MIB1: variants seen among roughly 807,000 people sequenced by gnomAD.
The protein encoded by MIB1 is E3 ubiquitin-protein ligase MIB1.
In MIB1, 278 loss-of-function variants were observed where a neutral mutation model predicts 124.5. The observed-to-expected ratio is 2.23, with a 90% confidence interval of 2.02 to 2.47. MIB1 has a LOEUF of 2.47. Ranked by LOEUF, MIB1 falls within the 30% of genes most tolerant of loss-of-function variation. The pLI is 0.00. For synonymous variants in MIB1, 446 were observed against 429.4 expected, an observed-to-expected ratio of 1.04 and a Z score of -0.48; for missense variants, 957 against 1,254.4, an observed-to-expected ratio of 0.76 and a Z score of 3.58.
rs1555692380 is a variant in MIB1, at chr18:21,798,148, G to T, written c.1157G>T (p.Cys386Phe). ...GACAGTGATTTAAAGGTGGAAGTTT[G>T]TGGAACATCTTGGACATACAATCCA... ...YSDSDLKVEV[C>F]GTSWTYNPAA... Residue 386 changes from cysteine (C) to phenylalanine (F), a missense_variant, in exon 8 of 21, where the codon TGT becomes TTT. Physicochemically the swap from Cys to Phe is radical, Grantham distance 205. Coordinates refer to ENST00000261537, the MANE Select transcript of MIB1 (RefSeq NM_020774.4). 6.2e-7 allele frequency: 1 copy of T among 1,613,372 alleles called. No individual in the cohort carries two copies. The highest frequency in any genetic ancestry group is 8.5e-7 in the Non-Finnish European group (1 of 1,179,466).
Position 21,765,908 on chromosome 18 carries a change from T to C in MIB1, c.366T>C (p.His122=). The change falls in exon 2 of 21, where the codon CAT becomes CAC. Residue 122 remains histidine, a synonymous_variant. Transcript: ENST00000261537. ...ATGGAGATAAACATCATTTAAGACA[T>C]CGCTTTTACCGAATTACTACACCGG... The part of the protein sequence containing the change: ...CYHGDKHHLR[H]RFYRITTPGS... 6.2e-7 allele frequency: 1 copy of C among 1,614,104 alleles called. No individual in the cohort carries two copies. The highest frequency in any genetic ancestry group is 8.5e-7 in the Non-Finnish European group (1 of 1,179,988).
chr18:21,784,324 G>A lies in MIB1; in HGVS notation c.908+4639G>A, dbSNP rs535564349. 3.9e-5 allele frequency among the ~76,000 whole-genome samples: 6 copies of A among 152,198 alleles called. No individual in the cohort carries two copies. The East Asian group carries it at 1.2e-3, about 29-fold the overall frequency. ...GGCCTCCCAAAGTGCTGGGATTACA[G>A]GTGTGAGCCACCGCGCCCAGCCCTG... On this transcript the variant is annotated intron_variant, in intron 6 of 20. Coordinates refer to ENST00000261537, the MANE Select transcript of MIB1 (RefSeq NM_020774.4).
intron 20 of MIB1, among the ~76,000 whole-genome samples, chr18:21,860,436 C>A (rs2042267212): frequency 6.6e-6 from 1 of 151,946 alleles, no homozygotes; most frequent in Non-Finnish European, 1.5e-5. Context: ...CAAATATGCT[C>A]TTTTATTTCT....
chr18:21,809,904 G>T (rs1489849173), intron 10 of MIB1, among the ~76,000 whole-genome samples: 1 of 151,974 alleles, frequency 6.6e-6, no homozygotes, highest in Non-Finnish European at 1.5e-5. Flanking sequence ...GAGCAATTAG[G>T]CAAGAAAAAG....
chr18:21,845,626 C>T (rs1208925561), intron 15 of MIB1, among the ~76,000 whole-genome samples: 1 of 151,836 alleles, frequency 6.6e-6, no homozygotes, highest in Non-Finnish European at 1.5e-5. Context: ...TGTTTCTTTT[C>T]TTTTTTCTTT....
intron 1 of MIB1, among the ~76,000 whole-genome samples, chr18:21,754,890 T>C (rs1439228344): frequency 6.6e-6 from 1 of 152,158 alleles, no homozygotes; most frequent in African/African-American, 2.4e-5. Context: ...TATCTGCACT[T>C]TAAGGCATCC....
intron 12 of MIB1, chr18:21,828,633 G>C (rs2041948922): frequency 6.2e-6 from 1 of 160,554 alleles, no homozygotes; most frequent in Non-Finnish European, 1.4e-5. Context: ...TTAAATTGTG[G>C]AGACAGAAAA....
At chr18:21,817,356 C>T (rs1425039666) in intron 11 of MIB1, among the ~76,000 whole-genome samples, 1 of 151,822 alleles carries the variant, frequency 6.6e-6, no homozygotes, top group East Asian at 1.9e-4. Flanking sequence ...AACTTCTGGT[C>T]TCAAGCAATC....
intron 7 of MIB1, among the ~76,000 whole-genome samples, chr18:21,794,975 T>C (rs186302194): frequency 2.4e-4 from 36 of 152,050 alleles, no homozygotes; most frequent in Middle Eastern, 3.4e-3. Flanking sequence ...AGACATCAAG[T>C]GAAGGACTAG....
chr18:21,806,681 T>TAGC (rs1017444170), intron 10 of MIB1, among the ~76,000 whole-genome samples: 3 of 151,720 alleles, frequency 2.0e-5, no homozygotes, highest in Admixed American at 2.0e-4. Context: ...AGTGTAGTAG[T>TAGC]AGCGCGATCT....
intron 10 of MIB1, among the ~76,000 whole-genome samples, chr18:21,814,653 A>T (rs528208112): frequency 5.9e-5 from 9 of 152,080 alleles, no homozygotes; most frequent in Admixed American, 4.6e-4. Flanking sequence ...AGCTCACTGC[A>T]ACCTCTGCCT....
chr18:21,756,023 T>G (rs187245462), intron 1 of MIB1, among the ~76,000 whole-genome samples: 1 of 152,276 alleles, frequency 6.6e-6, no homozygotes, highest in African/African-American at 2.4e-5. Flanking sequence ...ATTGAAATAT[T>G]TTACATCATG....
At chr18:21,735,999 A>C (rs1192085607), upstream of MIB1, among the ~76,000 whole-genome samples, 2 of 152,244 alleles carry the variant, frequency 1.3e-5, no homozygotes, top group East Asian at 3.8e-4. Context: ...AGAGCAGTGG[A>C]TCTCCCAGCA....
At chr18:21,739,809 G>T (rs550086461), upstream of MIB1, among the ~76,000 whole-genome samples, 2 of 152,174 alleles carry the variant, frequency 1.3e-5, no homozygotes, top group South Asian at 4.1e-4. Context: ...CAGCTACTCA[G>T]AAGGCTGAGG....
chr18:21,786,587 T>G (rs905808140), intron 6 of MIB1, among the ~76,000 whole-genome samples: 3 of 152,208 alleles, frequency 2.0e-5, no homozygotes, highest in African/African-American at 7.2e-5. Flanking sequence ...TCAGTTTTGC[T>G]TTTTTGAAGT....
chr18:21,718,442 T>C (rs997967306), intron 1 of MIB1, among the ~76,000 whole-genome samples: 1 of 152,220 alleles, frequency 6.6e-6, no homozygotes, highest in African/African-American at 2.4e-5. Context: ...CAGCTCCCAC[T>C]GTTTCTGCCA....
At chr18:21,750,618 C>G (rs372081757) in intron 1 of MIB1, among the ~76,000 whole-genome samples, 2 of 152,164 alleles carry the variant, frequency 1.3e-5, no homozygotes, top group South Asian at 4.1e-4. Flanking sequence ...TAAGCCACCA[C>G]GCTCGGCCTA....
In MIB1 at chr18:21,843,209, A is replaced by G; in HGVS notation, c.2041A>G (p.Ile681Val). ...TGCTGTTGAACGACAGCATACCCAG[A>G]TTGTTAGGGTAAAGTATTGACATAC... is the stretch of plus-strand genomic sequence containing the variant. ...HLAVERQHTQIVRLLVRAGAK... is the reference protein window; with the variant it reads ...HLAVERQHTQVVRLLVRAGAK... The change falls in exon 14 of 21, where the codon ATT becomes GTT. Residue 681 changes from isoleucine to valine, a missense_variant. Ile to Val is a conservative substitution (Grantham distance 29). Coordinates refer to ENST00000261537, the MANE Select transcript of MIB1 (RefSeq NM_020774.4). 1 of 1,584,896 alleles carries G rather than the reference A, an allele frequency of 6.3e-7. No individual in the cohort carries two copies. The highest frequency in any genetic ancestry group is 1.2e-5 in the South Asian group (1 of 84,662).
chr18:21,844,240 C>T lies in MIB1; in HGVS notation c.2198C>T (p.Pro733Leu). The T allele has an allele frequency of 6.2e-7, 1 of 1,613,904 alleles. No individual in the cohort carries two copies. The highest frequency in any genetic ancestry group is 8.5e-7 in the Non-Finnish European group (1 of 1,179,948). The change falls in exon 15 of 21, where the codon CCA (proline) becomes CTA (leucine). Residue 733 changes from proline (P) to leucine (L), a missense_variant. Transcript: ENST00000261537. Reference sequence around the variant, plus strand: ...GGGAAGGTGGATGCTGCCTGGGAGCCATCCAAAAACACGGTGAGTAAAGAT... The same window carrying T: ...GGGAAGGTGGATGCTGCCTGGGAGCTATCCAAAAACACGGTGAGTAAAGAT... The part of the protein sequence containing the change: ...DVGKVDAAWE[P>L]SKNTLIMGLG...
Sources: allele counts gnomAD v4.1 joint callset (sites outside exome capture counted in the v4.1 genomes callset), GRCh38; gene constraint gnomAD v4.1.1; transcripts MANE v1.5; gene names NCBI Gene and HGNC (gene_info 2026-07-23, HGNC 2026-07-21).